Variants in CDH2 observed in about 807,000 individuals in gnomAD.
The protein encoded by CDH2 is cadherin 2, also known as cadherin-2.
A neutral mutation model predicts 92.0 loss-of-function variants in CDH2; 17 were observed. That is an observed-to-expected ratio of 0.18 (90% CI 0.13 to 0.28). CDH2 has a LOEUF of 0.28. Among genes scored for constraint, CDH2 ranks in the 10% least tolerant of loss-of-function variants. The pLI, the probability that CDH2 is intolerant of heterozygous loss-of-function variation, is 1.00. For missense variants in CDH2, 862 were observed against 1,133.1 expected, an observed-to-expected ratio of 0.76 and a Z score of 3.44; for synonymous variants, 419 against 415.9, an observed-to-expected ratio of 1.01 and a Z score of -0.09.
chr18:28,134,639 A>C (rs1026171914), intron 2 of CDH2, among the ~76,000 whole-genome samples: 3 of 152,210 alleles, frequency 2.0e-5, no homozygotes, highest in Admixed American at 6.5e-5. Context: ...TGAGCCCAAG[A>C]GGTTCAGGTT....
rs5823568 is a variant in CDH2, at chr18:27,955,761, GTTT to G, written c.2515-3405_2515-3403del. 9.0e-5 allele frequency among the ~76,000 whole-genome samples: 10 copies of G among 111,714 alleles called. No individual in the cohort carries two copies. In the South Asian group the frequency reaches 1.0e-3, roughly 11 times the overall value. 73.3% of individuals were successfully genotyped at this position (111,714 alleles called of 152,430 possible). On this transcript the variant is annotated intron_variant, in intron 15 of 15. Coordinates refer to ENST00000269141, the MANE Select transcript of CDH2 (RefSeq NM_001792.5). ...ACAAATCTCTGTTTTCTTTATTTCTGTTTTTTTTTTTTTTTTTTTAAAGAGGTT... is the reference window on the plus strand; with the variant it reads ...ACAAATCTCTGTTTTCTTTATTTCTGTTTTTTTTTTTTTTTTAAAGAGGTT...
chr18:28,096,594 C>T (rs144273452), intron 2 of CDH2, among the ~76,000 whole-genome samples: 6 of 152,148 alleles, frequency 3.9e-5, no homozygotes, highest in Admixed American at 2.0e-4. Context: ...AAGCTATAAG[C>T]ATTAAGTTGT....
At chr18:28,120,096 C>T (rs1418138675) in intron 2 of CDH2, among the ~76,000 whole-genome samples, 1 of 151,998 alleles carries the variant, frequency 6.6e-6, no homozygotes, top group East Asian at 1.9e-4. Context: ...TCCTGTTTCA[C>T]ACAGCCAAAA....
chr18:28,046,359 T>G (rs2014075667), intron 2 of CDH2, among the ~76,000 whole-genome samples: 1 of 152,194 alleles, frequency 6.6e-6, no homozygotes, highest in Non-Finnish European at 1.5e-5. Flanking sequence ...GAAGAATATT[T>G]TAACAAGCTC....
chr18:28,123,214 TCAGA>T (rs971434480), intron 2 of CDH2, among the ~76,000 whole-genome samples: 2 of 152,070 alleles, frequency 1.3e-5, no homozygotes, highest in African/African-American at 4.8e-5. Context: ...GCATAACAAT[TCAGA>T]AAGAAAGTAC....
intron 6 of CDH2, among the ~76,000 whole-genome samples, chr18:27,945,491 T>C (rs1909248965): frequency 6.6e-6 from 1 of 152,082 alleles, no homozygotes; most frequent in Non-Finnish European, 1.5e-5. Context: ...CCAGTTTTCC[T>C]TATGAGTTAG....
chr18:28,032,194 C>T (rs557750751), intron 2 of CDH2, among the ~76,000 whole-genome samples: 3 of 152,072 alleles, frequency 2.0e-5, no homozygotes, highest in African/African-American at 7.2e-5. Flanking sequence ...AAAGAATGAA[C>T]AAATTCCAAC....
chr18:28,172,479 T>A (rs2144372674), intron 1 of CDH2, among the ~76,000 whole-genome samples: 1 of 152,292 alleles, frequency 6.6e-6, no homozygotes, highest in Admixed American at 6.5e-5. Flanking sequence ...AATTAACTGA[T>A]GTCTTTTTCT....
At chr18:28,084,820 C>T (rs1376273693) in intron 2 of CDH2, among the ~76,000 whole-genome samples, 1 of 152,158 alleles carries the variant, frequency 6.6e-6, no homozygotes, top group Non-Finnish European at 1.5e-5. Context: ...CAATCCATGA[C>T]TTAAATCCTA....
At chr18:28,128,521 C>T (rs988242658) in intron 2 of CDH2, among the ~76,000 whole-genome samples, 4 of 151,692 alleles carry the variant, frequency 2.6e-5, no homozygotes, top group African/African-American at 9.7e-5. Context: ...CCTGTCTCTA[C>T]AAAAAAACAA....
At chr18:28,043,129 C>A (rs1156235571) in intron 2 of CDH2, among the ~76,000 whole-genome samples, 3 of 152,130 alleles carry the variant, frequency 2.0e-5, no homozygotes, top group East Asian at 1.9e-4. Context: ...TAAAACGGAA[C>A]AAAATAATGG....
chr18:28,027,670 G>T (rs1189662509), intron 2 of CDH2, among the ~76,000 whole-genome samples: 2 of 152,068 alleles, frequency 1.3e-5, no homozygotes, highest in Non-Finnish European at 2.9e-5. Context: ...CAAGATTATT[G>T]TGTTCTCCCT....
At chr18:28,082,113 A>G (rs1468480841) in intron 2 of CDH2, among the ~76,000 whole-genome samples, 3 of 152,184 alleles carry the variant, frequency 2.0e-5, no homozygotes, top group Admixed American at 6.6e-5. Flanking sequence ...CAGTCAATTT[A>G]GGATTTCTAA....
At chr18:28,096,871 T>C (rs1437548692) in intron 2 of CDH2, among the ~76,000 whole-genome samples, 1 of 152,248 alleles carries the variant, frequency 6.6e-6, no homozygotes, top group Non-Finnish European at 1.5e-5. Flanking sequence ...CTTAAAATAA[T>C]GACAAGCTAA....
intron 5 of CDH2, among the ~76,000 whole-genome samples, chr18:28,007,819 T>C (rs1024962730): frequency 7.9e-5 from 12 of 152,162 alleles, no homozygotes; most frequent in Admixed American, 6.5e-4. Flanking sequence ...AACCTCTGCC[T>C]CCCAGGTTCA....
intron 2 of CDH2, among the ~76,000 whole-genome samples, chr18:28,144,456 A>G (rs1350830525): frequency 6.6e-6 from 1 of 152,098 alleles, no homozygotes; most frequent in Non-Finnish European, 1.5e-5. Context: ...CTAACACACA[A>G]GCCTTGTAAT....
chr18:28,104,335 T>C (rs73400101), intron 2 of CDH2, among the ~76,000 whole-genome samples: 1 of 152,202 alleles, frequency 6.6e-6, no homozygotes, highest in Non-Finnish European at 1.5e-5. Flanking sequence ...TTGTTCTTTA[T>C]CATAAAATTT....
intron 2 of CDH2, among the ~76,000 whole-genome samples, chr18:28,128,490 A>C (rs2015713086): frequency 6.6e-6 from 1 of 152,046 alleles, no homozygotes; most frequent in Non-Finnish European, 1.5e-5. Flanking sequence ...TTCAAGACCA[A>C]TCTGCACAAC....
intron 1 of CDH2, among the ~76,000 whole-genome samples, chr18:28,176,445 T>G (rs2016543208): frequency 6.6e-6 from 1 of 151,928 alleles, no homozygotes; most frequent in Non-Finnish European, 1.5e-5. Flanking sequence ...AATAGGACAG[T>G]AGAGCCCTTG....
Sources: gnomAD v4.1 joint callset for allele counts (sites outside exome capture counted in the v4.1 genomes callset) on GRCh38, gnomAD v4.1.1 for gene constraint, MANE v1.5 for transcripts, NCBI Gene and HGNC (gene_info 2026-07-23, HGNC 2026-07-21) for gene names.